The following CSMD2 variants were observed in gnomAD, a reference collection of about 807,000 sequenced individuals.
CSMD2 encodes the protein CUB and sushi domain-containing protein 2.
CSMD2 carries 130 observed loss-of-function variants against 398.5 expected under a neutral mutation model. The observed-to-expected ratio is 0.33, with a 90% CI of 0.28 to 0.38. CSMD2 has a LOEUF of 0.38. Among genes scored for constraint, CSMD2 ranks in the 10% least tolerant of loss-of-function variants. CSMD2 has a pLI of 1.00. For missense variants in CSMD2, 3,829 were observed against 4,764.9 expected, an observed-to-expected ratio of 0.80 and a Z score of 5.78; for synonymous variants, 1,828 against 1,908.5, an observed-to-expected ratio of 0.96 and a Z score of 1.10.
chr1:33,914,793 CATG>C (rs1457159815), intron 5 of CSMD2, among the ~76,000 whole-genome samples: 4 of 152,190 alleles, frequency 2.6e-5, no homozygotes, highest in African/African-American at 9.6e-5. Context: ...CCTTATCTTT[CATG>C]ATGTCAGGAC....
At chr1:33,743,673 G>C in intron 13 of CSMD2, 67 bp from the exon 14 acceptor site, 1 of 1,155,144 alleles carries the variant, frequency 8.7e-7, no homozygotes, top group Non-Finnish European at 1.2e-6. Context: ...CTGAGGGCTG[G>C]CAGGGGGAAC....
At position 33,652,479 on chromosome 1, in the gene CSMD2, C is replaced by T. The variant is rs757510545; in HGVS notation, c.4448-18G>A. ...GCAGGGAGCTGAGGAGAGAAGAAGA[C>T]GAGGGTGAGGCTGCCTCTTCACCCT... is the stretch of plus-strand genomic sequence containing the variant. On this transcript the variant is annotated intron_variant, in intron 27 of 70. Transcript: ENST00000373381. The T allele has an allele frequency of 3.3e-5, 54 of 1,612,186 alleles. No individual in the cohort carries two copies. The highest frequency in any genetic ancestry group is 1.5e-4 in the Admixed American group (9 of 59,970).
intron 5 of CSMD2, among the ~76,000 whole-genome samples, chr1:33,881,395 G>A (rs952859096): frequency 6.6e-6 from 1 of 152,200 alleles, no homozygotes; most frequent in Admixed American, 6.5e-5. Flanking sequence ...AACTGTCAAG[G>A]AAGAAGTGGA....
chr1:33,596,399 C>A (rs1208884344), intron 44 of CSMD2, among the ~76,000 whole-genome samples: 1 of 152,164 alleles, frequency 6.6e-6, no homozygotes, highest in Non-Finnish European at 1.5e-5. Flanking sequence ...CCCTGACACC[C>A]CGGCCTGGGC....
intron 1 of CSMD2, among the ~76,000 whole-genome samples, chr1:34,106,000 C>T (rs1571140426): frequency 6.6e-6 from 1 of 152,074 alleles, no homozygotes; most frequent in South Asian, 2.1e-4. Context: ...TATCAAGAAC[C>T]CCAGAGGTCC....
intron 6 of CSMD2, among the ~76,000 whole-genome samples, chr1:33,846,381 GAA>G (rs527277138): frequency 1.1e-3 from 166 of 152,330 alleles, no homozygotes; most frequent in African/African-American, 3.6e-3. Context: ...TAGATAAAAT[GAA>G]AAAGAGTAGA....
chr1:33,840,660 C>T lies in CSMD2; in HGVS notation c.1033+6224G>A, dbSNP rs138527767. On this transcript the variant is annotated intron_variant, in intron 6 of 70. Transcript: ENST00000373381. ...ATTTCCTGTCAAAAGGAGTGGGTTACGCTTGAAACCTGGTGAGGTCACGGG... is the reference window on the plus strand; with the variant it reads ...ATTTCCTGTCAAAAGGAGTGGGTTATGCTTGAAACCTGGTGAGGTCACGGG... 7.9e-5 allele frequency among the ~76,000 whole-genome samples: 12 copies of T among 152,256 alleles called. No homozygotes were observed. The East Asian group carries it at 1.5e-3, about 20-fold the overall frequency.
chr1:33,675,115 G>A (rs960049998), intron 25 of CSMD2, among the ~76,000 whole-genome samples: 9 of 152,150 alleles, frequency 5.9e-5, no homozygotes, highest in Admixed American at 3.3e-4. Flanking sequence ...GATCAGGGCA[G>A]AACTGAAGGA....
In CSMD2 at chr1:34,024,408, A is replaced by T. The variant is rs538941035; in HGVS notation, c.517+8186T>A. ...GGTCATGGCACTAGAGTTTGGCATA[A>T]TATCATCTTAAAGCTATGTTAATAC... On this transcript the variant is annotated intron_variant, in intron 3 of 70. Coordinates refer to ENST00000373381, the MANE Select transcript of CSMD2 (RefSeq NM_001281956.2). Among the ~76,000 whole-genome samples the T allele has an allele frequency of 2.6e-5, 4 of 152,368 alleles. No homozygotes were observed. In the South Asian group the frequency reaches 8.3e-4, roughly 32 times the overall value.
At chr1:34,024,887 T>C (rs143212942) in intron 3 of CSMD2, among the ~76,000 whole-genome samples, 30 of 152,340 alleles carry the variant, frequency 2.0e-4, no homozygotes, top group African/African-American at 7.2e-4. Flanking sequence ...TCTTTTGGAA[T>C]GAGGAAATTG....
intron 3 of CSMD2, among the ~76,000 whole-genome samples, chr1:33,991,148 G>A (rs1646540986): frequency 6.6e-6 from 1 of 151,960 alleles, no homozygotes; most frequent in African/African-American, 2.4e-5. Context: ...TAGGACTACA[G>A]GCACTCCCCA....
chr1:33,665,769 A>G (rs1443354225), intron 25 of CSMD2, among the ~76,000 whole-genome samples: 6 of 151,836 alleles, frequency 4.0e-5, no homozygotes, highest in Non-Finnish European at 7.4e-5. Flanking sequence ...ACTCTTCCAA[A>G]TTGACACTCA....
chr1:33,988,977 A>G (rs1428027988), intron 3 of CSMD2, among the ~76,000 whole-genome samples: 1 of 139,842 alleles, frequency 7.2e-6, no homozygotes, highest in African/African-American at 2.7e-5. Context: ...GAAAACCTTC[A>G]TGGCTTTGGG....
chr1:34,129,651 C>CA (rs1050949046), intron 1 of CSMD2, among the ~76,000 whole-genome samples: 2 of 152,028 alleles, frequency 1.3e-5, no homozygotes, highest in Non-Finnish European at 2.9e-5. Flanking sequence ...GACTCTGTCT[C>CA]AAAAAAATAA....
At chr1:33,951,953 T>A (rs1192611094) in intron 3 of CSMD2, among the ~76,000 whole-genome samples, 1 of 152,232 alleles carries the variant, frequency 6.6e-6, no homozygotes, top group Admixed American at 6.5e-5. Context: ...CAAATCCTTC[T>A]CAACCTTTCA....
At chr1:33,974,612 G>A (rs912388633) in intron 3 of CSMD2, among the ~76,000 whole-genome samples, 1 of 152,230 alleles carries the variant, frequency 6.6e-6, no homozygotes, top group African/African-American at 2.4e-5. Context: ...GTCAGTGGCA[G>A]AGGTGCTTTG....
intron 53 of CSMD2, among the ~76,000 whole-genome samples, chr1:33,563,608 A>G (rs1658779858): frequency 6.6e-6 from 1 of 152,132 alleles, no homozygotes; most frequent in Non-Finnish European, 1.5e-5. Context: ...CCCACAGAAA[A>G]CAGAATTTCA....
rs6669419 is a variant in CSMD2 at position 33,610,137 on chromosome 1, T to C, written c.6343+904A>G. ...CTCAGAACTGTGAGAAATAAATTTC[T>C]GCTGTTTGTAAGGCACTTGGCTTAT... On this transcript the variant is annotated intron_variant, in intron 41 of 70. Coordinates refer to ENST00000373381, the MANE Select transcript of CSMD2 (RefSeq NM_001281956.2). Among the ~76,000 whole-genome samples the C allele has an allele frequency of 3.5e-3, 533 of 152,310 alleles. 1 individual carries two copies. Among genetic ancestry groups the C allele is most frequent in the African/African-American group, 0.012 (509 of 41,558 alleles).
At chr1:33,800,337 C>G (rs1655444140) in intron 10 of CSMD2, among the ~76,000 whole-genome samples, 1 of 152,088 alleles carries the variant, frequency 6.6e-6, no homozygotes, top group African/African-American at 2.4e-5. Context: ...CCTGAACTCC[C>G]AGGAGTTCAA....
Sources: gnomAD v4.1 joint callset for allele counts (sites outside exome capture counted in the v4.1 genomes callset) on GRCh38, gnomAD v4.1.1 for gene constraint, MANE v1.5 for transcripts, NCBI Gene and HGNC (gene_info 2026-07-23, HGNC 2026-07-21) for gene names.